The following RAPGEF2 variants were observed in gnomAD, a reference collection of about 807,000 sequenced individuals.
The protein encoded by RAPGEF2 is PDZ domain containing guanine nucleotide exchange factor (GEF) 1.
In RAPGEF2, 54 loss-of-function variants were observed where a neutral mutation model predicts 186.7. That is an observed-to-expected ratio of 0.29 (90% CI 0.23 to 0.36). The LOEUF is 0.36. Ranked by LOEUF, RAPGEF2 falls within the 10% of genes least tolerant of loss-of-function variation. The pLI, the probability that RAPGEF2 is intolerant of heterozygous loss-of-function variation, is 1.00. For missense variants in RAPGEF2, 1,532 were observed against 2,045.0 expected, an observed-to-expected ratio of 0.75 and a Z score of 4.84; for synonymous variants, 712 against 705.9, an observed-to-expected ratio of 1.01 and a Z score of -0.14.
intron 1 of RAPGEF2, among the ~76,000 whole-genome samples, chr4:159,119,615 C>T (rs1327556596): frequency 2.6e-5 from 4 of 152,068 alleles, no homozygotes; most frequent in South Asian, 2.1e-4. Flanking sequence ...ACTGTAGCTA[C>T]GGTTATGGAA....
chr4:159,203,105 C>T (rs962288622), intron 3 of RAPGEF2, among the ~76,000 whole-genome samples: 1 of 152,148 alleles, frequency 6.6e-6, no homozygotes, highest in Non-Finnish European at 1.5e-5. Flanking sequence ...CATTTACTGG[C>T]CACCTCCTTA....
chr4:159,238,023 A>C (rs1323962976), intron 4 of RAPGEF2, among the ~76,000 whole-genome samples: 1 of 151,924 alleles, frequency 6.6e-6, no homozygotes, highest in Non-Finnish European at 1.5e-5. Flanking sequence ...GTCTCTTAAA[A>C]AAAAAAAAAT....
At chr4:159,222,028 C>T (rs903612122) in intron 4 of RAPGEF2, among the ~76,000 whole-genome samples, 2 of 152,162 alleles carry the variant, frequency 1.3e-5, no homozygotes, top group South Asian at 2.1e-4. Context: ...AATATTCCCC[C>T]TTCGGATATT....
intron 4 of RAPGEF2, among the ~76,000 whole-genome samples, chr4:159,219,481 G>A (rs934463166): frequency 8.8e-5 from 13 of 148,542 alleles, no homozygotes; most frequent in African/African-American, 3.0e-4. Context: ...TCAGCCTCCC[G>A]AGTAGCTGGG....
chr4:159,309,878 T>TTCAATCAATAA (rs1763759514), intron 8 of RAPGEF2, among the ~76,000 whole-genome samples: 1 of 152,216 alleles, frequency 6.6e-6, no homozygotes, highest in African/African-American at 2.4e-5. Flanking sequence ...AAGAAAGTGA[T>TTCAATCAATAA]GGATCATTCA....
At chr4:159,346,668 G>A (rs1334151242) in intron 24 of RAPGEF2, 121 bp from the exon 25 acceptor site, 22 of 808,488 alleles carry the variant, frequency 2.7e-5, no homozygotes, top group Non-Finnish European at 3.6e-5. Context: ...CAGGAAGAAA[G>A]GTGTGCATTA....
At chr4:159,149,719 T>C (rs1009037032) in intron 1 of RAPGEF2, among the ~76,000 whole-genome samples, 31 of 152,204 alleles carry the variant, frequency 2.0e-4, no homozygotes, top group African/African-American at 6.0e-4. Context: ...TGTATAGTAC[T>C]GTGAGTGCTC....
chr4:159,218,724 C>T (rs1486372556), intron 4 of RAPGEF2, among the ~76,000 whole-genome samples: 41 of 151,976 alleles, frequency 2.7e-4, no homozygotes, highest in Admixed American at 2.4e-3. Context: ...CGCCACTGCA[C>T]TCCAGCCTGG....
chr4:159,222,086 A>G (rs1751601709), intron 4 of RAPGEF2, among the ~76,000 whole-genome samples: 1 of 152,220 alleles, frequency 6.6e-6, no homozygotes, highest in Admixed American at 6.5e-5. Context: ...CTGGAACACT[A>G]ACATGATTTT....
chr4:159,131,166 A>G (rs183697922), intron 1 of RAPGEF2, among the ~76,000 whole-genome samples: 189 of 152,094 alleles, frequency 1.2e-3, no homozygotes, highest in African/African-American at 4.2e-3. Context: ...GCTGAAGTGC[A>G]ATGGCACGAT....
chr4:159,198,140 T>C (rs1748873163), intron 3 of RAPGEF2, among the ~76,000 whole-genome samples: 1 of 152,156 alleles, frequency 6.6e-6, no homozygotes, highest in Non-Finnish European at 1.5e-5. Flanking sequence ...TGAAAATTAT[T>C]ACAAAAGCAC....
intron 7 of RAPGEF2, among the ~76,000 whole-genome samples, chr4:159,288,591 T>A (rs1760796767): frequency 6.6e-6 from 1 of 152,142 alleles, no homozygotes; most frequent in Non-Finnish European, 1.5e-5. Context: ...GTTAACTTCC[T>A]GTTTAAAAAA....
chr4:159,272,218 A>G (rs934357179), intron 7 of RAPGEF2, among the ~76,000 whole-genome samples: 3 of 152,214 alleles, frequency 2.0e-5, no homozygotes, highest in African/African-American at 2.4e-5. Context: ...TTTGTTAGCC[A>G]TAAGTATCAT....
chr4:159,107,672 G>A (rs904153300), intron 1 of RAPGEF2, among the ~76,000 whole-genome samples: 2 of 151,916 alleles, frequency 1.3e-5, no homozygotes, highest in African/African-American at 4.8e-5. Context: ...GTGTTATAAA[G>A]AATACAGGAC....
At chr4:159,303,616 G>A (rs943374771) in intron 7 of RAPGEF2, among the ~76,000 whole-genome samples, 3 of 150,982 alleles carry the variant, frequency 2.0e-5, no homozygotes, top group Non-Finnish European at 2.9e-5. Flanking sequence ...AAAGGGGCTC[G>A]GTAAATATTT....
intron 17 of RAPGEF2, among the ~76,000 whole-genome samples, chr4:159,337,915 A>AAAAAAAAAAAAAAAAAAAAC: frequency 6.9e-6 from 1 of 145,390 alleles, no homozygotes; most frequent in Non-Finnish European, 1.5e-5. Flanking sequence ...AAAAAAAAAG[A>AAAAAAAAAAAAAAAAAAAAC]AAGAAAAACC....
At chr4:159,190,680 T>C (rs919854765) in intron 2 of RAPGEF2, among the ~76,000 whole-genome samples, 1 of 152,136 alleles carries the variant, frequency 6.6e-6, no homozygotes, top group African/African-American at 2.4e-5. Context: ...ACACATCTTT[T>C]TTCACAAGTG....
In RAPGEF2 at chr4:159,104,188, T is replaced by C; in HGVS notation, c.26T>C (p.Phe9Ser). Residue 9 changes from phenylalanine (F) to serine (S), a missense_variant, in exon 1 of 30, where the codon TTC becomes TCC. Transcript: ENST00000691494. MASYVDNS[F>S]RQAVMKNPPE... ...ATGGCGTCCTACGTAGATAACAGCT[T>C]CCGCCAGGCGGTGATGAAGAATCCC... 6.6e-7 allele frequency: 1 copy of C among 1,526,704 alleles called. No homozygotes were observed. Among genetic ancestry groups the C allele is most frequent in the Non-Finnish European group, 8.8e-7 (1 of 1,141,664 alleles). The allele number at this position is 1,526,704 out of a possible 1,614,324, so 94.6% of individuals were successfully genotyped here. A position where few individuals can be genotyped will look rare whatever the true frequency, so the allele number is the denominator to read the frequency against.
chr4:159,341,453 T>A (rs1729460109), intron 19 of RAPGEF2, 111 bp from the exon 20 acceptor site: 1 of 1,127,482 alleles, frequency 8.9e-7, no homozygotes, highest in Admixed American at 2.9e-5. Context: ...TCTTCCATAA[T>A]TCAAATCAGT....
Sources: allele counts gnomAD v4.1 joint callset (sites outside exome capture counted in the v4.1 genomes callset), GRCh38; gene constraint gnomAD v4.1.1; transcripts MANE v1.5; gene names NCBI Gene and HGNC (gene_info 2026-07-23, HGNC 2026-07-21).